SETBP1: variants seen among roughly 807,000 people sequenced by gnomAD.
The protein encoded by SETBP1 is SET binding protein 1, also known as SET-binding protein.
In SETBP1, 9 loss-of-function variants were observed where a neutral mutation model predicts 101.0. The observed-to-expected ratio is 0.09, with a 90% CI of 0.05 to 0.16. The LOEUF is 0.16. Ranked by LOEUF, SETBP1 falls within the 10% of genes least tolerant of loss-of-function variation. The pLI, the probability that SETBP1 is intolerant of heterozygous loss-of-function variation, is 1.00. For missense variants in SETBP1, 1,858 were observed against 2,033.8 expected (o/e 0.91, Z 1.66); for synonymous variants, 818 against 788.5 (o/e 1.04, Z -0.63).
chr18:44,808,100 C>T (rs1231915182), intron 2 of SETBP1, among the ~76,000 whole-genome samples: 2 of 152,186 alleles, frequency 1.3e-5, no homozygotes, highest in Non-Finnish European at 1.5e-5. Context: ...TCCTGTCGTT[C>T]CAGTACCTTC....
intron 2 of SETBP1, among the ~76,000 whole-genome samples, chr18:44,728,337 C>G (rs913975707): frequency 6.6e-6 from 1 of 152,124 alleles, no homozygotes; most frequent in African/African-American, 2.4e-5. Flanking sequence ...ATCACGTCTC[C>G]CTGTGCTAAG....
chr18:44,930,820 T>G (rs1307729289), intron 3 of SETBP1, among the ~76,000 whole-genome samples: 1 of 152,120 alleles, frequency 6.6e-6, no homozygotes, highest in Non-Finnish European at 1.5e-5. Flanking sequence ...ATTTGAGTCT[T>G]CTCTCTTTTC....
chr18:44,993,924 A>C (rs1041225655), intron 4 of SETBP1, among the ~76,000 whole-genome samples: 1 of 152,090 alleles, frequency 6.6e-6, no homozygotes, highest in African/African-American at 2.4e-5. Flanking sequence ...TTGTCCTTTT[A>C]GAAAATATAG....
At chr18:44,841,247 T>G (rs1346075775) in intron 2 of SETBP1, among the ~76,000 whole-genome samples, 1 of 152,172 alleles carries the variant, frequency 6.6e-6, no homozygotes, top group Non-Finnish European at 1.5e-5. Context: ...ATTCACACAC[T>G]GGCAAATTCC....
chr18:44,992,448 TGAG>T (rs1388677101), intron 4 of SETBP1, among the ~76,000 whole-genome samples: 4 of 151,928 alleles, frequency 2.6e-5, no homozygotes, highest in South Asian at 2.1e-4. Flanking sequence ...CAATAATAGT[TGAG>T]GAGCAAGGGG....
intron 4 of SETBP1, among the ~76,000 whole-genome samples, chr18:45,018,965 A>G (rs2073004369): frequency 6.6e-6 from 1 of 152,196 alleles, no homozygotes; most frequent in East Asian, 1.9e-4. Flanking sequence ...TCCAGAGGTG[A>G]GAAGGAGAGT....
chr18:44,986,209 G>C (rs2072230246), intron 4 of SETBP1: 1 of 152,216 alleles, frequency 6.6e-6, no homozygotes, highest in Non-Finnish European at 1.5e-5. Flanking sequence ...GAATACTGTA[G>C]ATAACTGTAA....
Position 44,746,261 on chromosome 18 carries a change from G to A in SETBP1, c.486+44429G>A, listed in dbSNP as rs868569582. ...CTGGATGTAAGGAGTTGGAGAGAAA[G>A]GAGTGGATCTGTAATGATGCCCACA... On this transcript the variant is annotated intron_variant, in intron 2 of 5. Coordinates refer to ENST00000649279, the MANE Select transcript of SETBP1 (RefSeq NM_015559.3). Among the ~76,000 whole-genome samples the A allele has an allele frequency of 1.3e-5, 2 of 152,320 alleles. 1 individual carries two copies. Among genetic ancestry groups the A allele is most frequent in the Middle Eastern group, 6.8e-3 (2 of 294 alleles).
At chr18:44,776,917 G>A (rs1306427901) in intron 2 of SETBP1, among the ~76,000 whole-genome samples, 1 of 152,188 alleles carries the variant, frequency 6.6e-6, no homozygotes, top group Non-Finnish European at 1.5e-5. Flanking sequence ...TTCCACACTG[G>A]GAGAATAGGG....
rs77885357 is a variant in SETBP1, at chr18:44,963,382, C to T, written c.4000+10042C>T. Reference sequence around the variant, plus strand: ...CCCAGGGTCTAATGTCAATTCTGTGCGCAAAGCCTTTAGCTCACCTGGGGA... The same window carrying T: ...CCCAGGGTCTAATGTCAATTCTGTGTGCAAAGCCTTTAGCTCACCTGGGGA... On this transcript the variant is annotated intron_variant, in intron 4 of 5. Transcript: ENST00000649279. Among the ~76,000 whole-genome samples the T allele has an allele frequency of 4.7e-3, 713 of 152,202 alleles. 5 individuals carry two copies. Among genetic ancestry groups the T allele is most frequent in the Non-Finnish European group, 5.5e-3 (376 of 68,012 alleles).
At chr18:45,031,144 G>C (rs1397167157) in intron 4 of SETBP1, among the ~76,000 whole-genome samples, 1 of 152,006 alleles carries the variant, frequency 6.6e-6, no homozygotes, top group Admixed American at 6.6e-5. Context: ...CTCTTGCCCT[G>C]TTTCTGTCAT....
chr18:44,846,845 C>G (rs886187958), intron 2 of SETBP1, among the ~76,000 whole-genome samples: 3 of 152,222 alleles, frequency 2.0e-5, no homozygotes, highest in African/African-American at 7.2e-5. Context: ...CAGTTTTAGT[C>G]TCTCCTTTTC....
chr18:44,958,690 G>C (rs1258146366), intron 4 of SETBP1, among the ~76,000 whole-genome samples: 1 of 152,124 alleles, frequency 6.6e-6, no homozygotes, highest in Non-Finnish European at 1.5e-5. Flanking sequence ...GAAAAAAACA[G>C]AAAGGTGAGT....
intron 4 of SETBP1, among the ~76,000 whole-genome samples, chr18:45,025,696 A>G (rs900150774): frequency 1.4e-4 from 22 of 152,204 alleles, no homozygotes; most frequent in Admixed American, 1.4e-3. Context: ...TCTCATCTCA[A>G]AAGACATGAC....
intron 5 of SETBP1, among the ~76,000 whole-genome samples, chr18:45,059,895 C>T (rs957213646): frequency 6.6e-6 from 1 of 152,120 alleles, no homozygotes; most frequent in African/African-American, 2.4e-5. Flanking sequence ...GTGAGTCATC[C>T]ACCAAATCTT....
chr18:44,849,147 G>A (rs1168895263), intron 2 of SETBP1, among the ~76,000 whole-genome samples: 1 of 152,148 alleles, frequency 6.6e-6, no homozygotes, highest in African/African-American at 2.4e-5. Context: ...GCTGCTGGGA[G>A]GAGGAAATTG....
intron 2 of SETBP1, among the ~76,000 whole-genome samples, chr18:44,731,655 C>T (rs558887221): frequency 3.8e-4 from 58 of 152,032 alleles, no homozygotes; most frequent in East Asian, 3.3e-3. Flanking sequence ...CACACACACG[C>T]GCACGCACAC....
chr18:44,833,915 G>A (rs1275447415), intron 2 of SETBP1, among the ~76,000 whole-genome samples: 2 of 152,222 alleles, frequency 1.3e-5, no homozygotes, highest in Non-Finnish European at 1.5e-5. Context: ...AAAAGGTGAG[G>A]CCTGCAAGGC....
intron 2 of SETBP1, among the ~76,000 whole-genome samples, chr18:44,758,275 G>C (rs1315933578): frequency 6.6e-6 from 1 of 152,156 alleles, no homozygotes; most frequent in Non-Finnish European, 1.5e-5. Context: ...AATCTGTTCT[G>C]AGATCATTTT....
Sources: allele counts gnomAD v4.1 joint callset (sites outside exome capture counted in the v4.1 genomes callset), GRCh38; gene constraint gnomAD v4.1.1; transcripts MANE v1.5; gene names NCBI Gene and HGNC (gene_info 2026-07-23, HGNC 2026-07-21).